CCSER1: variants seen among roughly 807,000 people sequenced by gnomAD.
The protein encoded by CCSER1 is serine-rich coiled-coil domain-containing protein 1.
A neutral mutation model predicts 82.0 loss-of-function variants in CCSER1; 41 were observed. The ratio of observed to expected loss-of-function variants is 0.50; its 90% confidence interval spans 0.39 to 0.65. The LOEUF is 0.65. Ranked by LOEUF, CCSER1 falls within the 30% of genes least tolerant of loss-of-function variation. CCSER1 has a pLI of 0.00. For missense variants in CCSER1, 1,119 were observed against 1,064.2 expected (o/e 1.05, Z -0.72); for synonymous variants, 414 against 383.9 (o/e 1.08, Z -0.92).
intron 9 of CCSER1, among the ~76,000 whole-genome samples, chr4:91,030,940 T>G (rs1230238334): frequency 2.6e-5 from 4 of 152,178 alleles, no homozygotes; most frequent in Admixed American, 2.6e-4. Context: ...AGCAGTGGTC[T>G]AATACCTTCA....
chr4:90,974,455 A>C (rs1446569228), intron 9 of CCSER1, among the ~76,000 whole-genome samples: 1 of 151,358 alleles, frequency 6.6e-6, no homozygotes, highest in African/African-American at 2.4e-5. Flanking sequence ...TTGTGCTTGA[A>C]AAAAAAGAAA....
In CCSER1 at chr4:90,390,715, G is replaced by A. The variant is rs554468257; in HGVS notation, c.1510-9321G>A. 7.2e-5 allele frequency among the ~76,000 whole-genome samples: 11 copies of A among 152,158 alleles called. No homozygotes were observed. The South Asian group carries it at 1.7e-3, about 23-fold the overall frequency. ...GGTCCTAGGATTATTCCATGTCTTTGCTATTGTGAATAGTGCTGCAATTAA... is the reference window on the plus strand; with the variant it reads ...GGTCCTAGGATTATTCCATGTCTTTACTATTGTGAATAGTGCTGCAATTAA... On this transcript the variant is annotated intron_variant, in intron 3 of 10. Transcript: ENST00000509176.
chr4:90,800,765 G>A lies in CCSER1; in HGVS notation c.2011-14997G>A, dbSNP rs192939089. On this transcript the variant is annotated intron_variant, in intron 7 of 10. Transcript: ENST00000509176. Reference sequence around the variant, plus strand: ...AGATCAGAAAACTAATTTATGTTGTGTAGTAACTCATTCTATGACCCTGGG... The same window carrying A: ...AGATCAGAAAACTAATTTATGTTGTATAGTAACTCATTCTATGACCCTGGG... 7.2e-4 allele frequency among the ~76,000 whole-genome samples: 110 copies of A among 152,226 alleles called. 1 individual carries two copies. In the East Asian group the frequency reaches 0.011, roughly 16 times the overall value.
At chr4:90,242,699 C>T (rs974283369) in intron 1 of CCSER1, among the ~76,000 whole-genome samples, 4 of 152,110 alleles carry the variant, frequency 2.6e-5, no homozygotes, top group African/African-American at 4.8e-5. Context: ...AATTATAGAG[C>T]ACGTTTATTG....
intron 3 of CCSER1, among the ~76,000 whole-genome samples, chr4:90,372,776 A>G (rs1347567032): frequency 6.6e-6 from 1 of 151,982 alleles, no homozygotes; most frequent in Non-Finnish European, 1.5e-5. Flanking sequence ...AAAAAGCTAG[A>G]TTAGGGTTAT....
At chr4:90,241,165 T>C (rs1009161368) in intron 1 of CCSER1, among the ~76,000 whole-genome samples, 2 of 152,198 alleles carry the variant, frequency 1.3e-5, no homozygotes, top group African/African-American at 2.4e-5. Flanking sequence ...TTGTTACTAG[T>C]CAGTCATTGT....
chr4:90,409,030 G>GT (rs1306408827), intron 4 of CCSER1, among the ~76,000 whole-genome samples: 2 of 152,178 alleles, frequency 1.3e-5, no homozygotes, highest in African/African-American at 4.8e-5. Context: ...AAGGGTATCA[G>GT]TGATGGAAGA....
chr4:90,692,033 GTGTATATA>G (rs1430921321), intron 6 of CCSER1, among the ~76,000 whole-genome samples: 1 of 112,280 alleles, frequency 8.9e-6, no homozygotes, highest in African/African-American at 3.3e-5. Context: ...AATTCAATGT[GTGTATATA>G]TATATATATA....
chr4:91,109,055 C>T (rs1725871701), intron 10 of CCSER1, among the ~76,000 whole-genome samples: 1 of 152,192 alleles, frequency 6.6e-6, no homozygotes, highest in African/African-American at 2.4e-5. Context: ...GACATCAGAA[C>T]TCCAGATTCT....
intron 10 of CCSER1, among the ~76,000 whole-genome samples, chr4:91,449,000 AG>A (rs1295724762): frequency 2.0e-5 from 3 of 152,114 alleles, no homozygotes; most frequent in Non-Finnish European, 4.4e-5. Context: ...TGGGGTGGTC[AG>A]GGAAAGACTC....
intron 10 of CCSER1, among the ~76,000 whole-genome samples, chr4:91,139,040 T>G (rs1728767108): frequency 6.6e-6 from 1 of 152,144 alleles, no homozygotes; most frequent in African/African-American, 2.4e-5. Flanking sequence ...TCCCTTCCTC[T>G]TTGCTCAAGC....
intron 1 of CCSER1, among the ~76,000 whole-genome samples, chr4:90,279,458 A>G (rs546649679): frequency 2.0e-5 from 3 of 152,196 alleles, no homozygotes; most frequent in African/African-American, 7.2e-5. Context: ...CAGAGTAAGC[A>G]ATAGCAGACT....
intron 1 of CCSER1, among the ~76,000 whole-genome samples, chr4:90,128,678 G>A (rs372708938): frequency 3.9e-5 from 6 of 152,104 alleles, no homozygotes; most frequent in Non-Finnish European, 7.4e-5. Flanking sequence ...GGTGACGGAG[G>A]GATTTGTGAA....
chr4:90,938,293 A>T (rs1731200204), intron 9 of CCSER1, among the ~76,000 whole-genome samples: 1 of 152,112 alleles, frequency 6.6e-6, no homozygotes, highest in Non-Finnish European at 1.5e-5. Context: ...CGTGAGACTT[A>T]TGTAGTGCTT....
chr4:91,238,837 T>TG (rs977884155), intron 10 of CCSER1, among the ~76,000 whole-genome samples: 1 of 151,938 alleles, frequency 6.6e-6, no homozygotes. Flanking sequence ...CATTTTTTTT[T>TG]TTTTGAGACG....
intron 10 of CCSER1, among the ~76,000 whole-genome samples, chr4:91,329,645 G>T (rs1022813449): frequency 4.6e-5 from 7 of 152,158 alleles, no homozygotes; most frequent in Admixed American, 2.6e-4. Flanking sequence ...CTATGTTCTT[G>T]TTGTGTCTTC....
chr4:91,312,262 C>T (rs902314496), intron 10 of CCSER1, among the ~76,000 whole-genome samples: 2 of 151,676 alleles, frequency 1.3e-5, no homozygotes, highest in Non-Finnish European at 2.9e-5. Flanking sequence ...TGAATTTCCA[C>T]AGGCAGCACT....
chr4:91,546,617 T>C (rs913666702), intron 10 of CCSER1, among the ~76,000 whole-genome samples: 3 of 152,092 alleles, frequency 2.0e-5, no homozygotes, highest in African/African-American at 7.2e-5. Context: ...TGGTAATTTG[T>C]GATTCTCCCT....
chr4:90,208,673 G>A (rs1739386225), intron 1 of CCSER1, among the ~76,000 whole-genome samples: 1 of 152,132 alleles, frequency 6.6e-6, no homozygotes, highest in Non-Finnish European at 1.5e-5. Flanking sequence ...GGGTTGCAAA[G>A]ACTCTGGGAA....
Sources: gnomAD v4.1 joint callset for allele counts (sites outside exome capture counted in the v4.1 genomes callset) on GRCh38, gnomAD v4.1.1 for gene constraint, MANE v1.5 for transcripts, NCBI Gene and HGNC (gene_info 2026-07-23, HGNC 2026-07-21) for gene names.